The following INTS7 variants were observed in gnomAD, a reference collection of about 807,000 sequenced individuals.
INTS7 encodes chromosome 1 open reading frame 73.
A neutral mutation model predicts 109.2 loss-of-function variants in INTS7; 46 were observed. The ratio of observed to expected loss-of-function variants is 0.42; its 90% CI spans 0.33 to 0.54. The LOEUF (loss-of-function observed/expected upper bound fraction) is 0.54, where lower values mean the gene tolerates loss of function less well. Among genes scored for constraint, INTS7 ranks in the 20% least tolerant of loss-of-function variants. The pLI, the probability that INTS7 is intolerant of heterozygous loss-of-function variation, is 0.07. For synonymous variants in INTS7, 412 were observed against 402.9 expected, an observed-to-expected ratio of 1.02 and a Z score of -0.27; for missense variants, 929 against 1,132.4, an observed-to-expected ratio of 0.82 and a Z score of 2.58.
Position 211,975,267 on chromosome 1 carries a change from C to G in INTS7, c.1714G>C (p.Glu572Gln). The change falls in exon 13 of 20, where the codon GAA becomes CAA. Residue 572 changes from glutamate (E) to glutamine (Q), a missense_variant. Around this residue, in one of 2 missense-constraint regions of INTS7, gnomAD observed 787 missense variants for 901.1 expected, o/e 0.87. Transcript: ENST00000366994. ...LNSLKEFSHA[E>Q]QCLTGLQEEN... Reference sequence around the variant, plus strand: ...TCTTGCAACCCAGTGAGACACTGTTCTGCATGTGAAAACTCCTTCAAACTA... The same window carrying G: ...TCTTGCAACCCAGTGAGACACTGTTGTGCATGTGAAAACTCCTTCAAACTA... 6.2e-7 allele frequency: 1 copy of G among 1,613,596 alleles called. No individual in the cohort carries two copies.
At chr1:212,016,783 T>C in intron 4 of INTS7, 103 bp downstream of exon 4, 1 of 879,470 alleles carries the variant, frequency 1.1e-6, no homozygotes, top group Non-Finnish European at 1.8e-6. Context: ...TAATTTACAC[T>C]TTCCTGTATC....
intron 1 of INTS7, among the ~76,000 whole-genome samples, chr1:212,026,677 T>A (rs1204179551): frequency 2.6e-5 from 4 of 152,312 alleles, no homozygotes; most frequent in East Asian, 3.9e-4. Flanking sequence ...AACAGAGATG[T>A]GTGCTTACGT....
chr1:211,952,535 A>G, intron 17 of INTS7, 34 bp downstream of exon 17: 1 of 1,603,254 alleles, frequency 6.2e-7, no homozygotes, highest in African/African-American at 1.3e-5. Context: ...CCACATCCAT[A>G]CAATAAAAGC....
At chr1:211,967,820 C>T (rs532813374) in intron 15 of INTS7, 58 bp downstream of exon 15, 29 of 850,706 alleles carry the variant, frequency 3.4e-5, no homozygotes, top group South Asian at 3.4e-4. Flanking sequence ...TGAGGTAGTC[C>T]GTATTTAAAA....
rs1439621553 is a variant in INTS7 at position 212,016,976 on chromosome 1, T to G, written c.419A>C (p.His140Pro). 6.2e-7 allele frequency: 1 copy of G among 1,601,496 alleles called. No individual in the cohort carries two copies. Among genetic ancestry groups the G allele is most frequent in the South Asian group, 1.1e-5 (1 of 88,718 alleles). ...ATCTAAACTCTGACGAATACTATGA[T>G]GAGCATTCTTCCTCTCAGGAATTAT... ...ASIIPERKNA[H>P]HSIRQSLDSH... Residue 140 changes from histidine (H) to proline (P), a missense_variant, in exon 4 of 20, where the codon CAT (histidine) becomes CCT (proline). Physicochemically the swap from His to Pro is moderately conservative, Grantham distance 77. Around this residue, in one of 2 missense-constraint regions of INTS7, gnomAD observed 142 missense variants for 231.4 expected, o/e 0.61. Coordinates refer to ENST00000366994, the MANE Select transcript of INTS7 (RefSeq NM_015434.4).
At chr1:211,988,156 C>T (rs935758021) in intron 7 of INTS7, among the ~76,000 whole-genome samples, 153 bp from the exon 8 acceptor site, 5 of 152,028 alleles carry the variant, frequency 3.3e-5, no homozygotes, top group African/African-American at 1.2e-4. Flanking sequence ...GGTGCAGTGG[C>T]TCATTCTGGT....
At position 211,942,327 on chromosome 1, in the gene INTS7, C is replaced by T. The variant is rs1662665592; in HGVS notation, c.2602-216G>A. ...TTAGTGAACGGAGTAGGAATCTGAA[C>T]ACAGGCAGACTACCTCCAGGGCCTA... On this transcript the variant is annotated intron_variant, in intron 19 of 19. Coordinates refer to ENST00000366994, the MANE Select transcript of INTS7 (RefSeq NM_015434.4). The surrounding 1 kb of genome is among the most constrained non-coding windows in gnomAD (Gnocchi z 4.2). 6.6e-6 allele frequency among the ~76,000 whole-genome samples: 1 copy of T among 152,130 alleles called. No homozygotes were observed. The highest frequency in any genetic ancestry group is 2.4e-5 in the African/African-American group (1 of 41,416).
chr1:211,998,806 CAA>C (rs141795217), intron 7 of INTS7, among the ~76,000 whole-genome samples: 1,684 of 151,774 alleles, frequency 0.011, 28 homozygotes, highest in African/African-American at 0.038. Flanking sequence ...ATATAAATAA[CAA>C]TAACAAAAAG....
At chr1:212,004,719 AT>A (rs1665826023) in intron 7 of INTS7, among the ~76,000 whole-genome samples, 1 of 152,240 alleles carries the variant, frequency 6.6e-6, no homozygotes. Context: ...TATATAAAAA[AT>A]AACTATGAAT....
Position 211,999,877 on chromosome 1 carries a change from C to T in INTS7, c.879+6762G>A, listed in dbSNP as rs2993545. On this transcript the variant is annotated intron_variant, in intron 7 of 19. Coordinates refer to ENST00000366994, the MANE Select transcript of INTS7 (RefSeq NM_015434.4). ...CTAGTACTTTAGGGAGGCCGAGGCA[C>T]GTGGATCACCTGAGGTCTGGAGTTC... Among the ~76,000 whole-genome samples, 1,210 of 151,964 alleles carry T rather than the reference C, an allele frequency of 8.0e-3. 17 individuals are homozygous for T. The highest frequency in any genetic ancestry group is 0.027 in the African/African-American group (1,137 of 41,430).
intron 11 of INTS7, 108 bp from the exon 12 acceptor site, chr1:211,976,827 C>T (rs1202188063): frequency 1.0e-6 from 1 of 1,001,938 alleles, no homozygotes; most frequent in Non-Finnish European, 1.5e-6. Context: ...TGCAAAAGAA[C>T]AAAATTTGTT....
intron 4 of INTS7, among the ~76,000 whole-genome samples, chr1:212,015,413 C>A (rs527516060): frequency 6.6e-6 from 1 of 151,738 alleles, no homozygotes; most frequent in African/African-American, 2.4e-5. Context: ...TTACCCCCAA[C>A]CCCCTGCTCT....
At chr1:212,015,067 A>G (rs981667366) in intron 4 of INTS7, among the ~76,000 whole-genome samples, 2 of 141,956 alleles carry the variant, frequency 1.4e-5, no homozygotes, top group African/African-American at 6.2e-5. Context: ...TCCGCCCGGC[A>G]GCCGCCCCAT....
Position 212,035,338 on chromosome 1 carries a change from G to C in INTS7, c.94+6C>G. 1 of 1,595,648 alleles carries C rather than the reference G, an allele frequency of 6.3e-7. No homozygotes were observed. The highest frequency in any genetic ancestry group is 2.2e-5 in the East Asian group (1 of 44,808). On this transcript the variant is annotated splice_donor_region_variant and intron_variant, in intron 1 of 19. Coordinates refer to ENST00000366994, the MANE Select transcript of INTS7 (RefSeq NM_015434.4). Reference sequence around the variant, plus strand: ...TTTCACCCATTCAGCCCTCTCTTTCGAATACCTTTGTCCAATTCCATAAGG... The same window carrying C: ...TTTCACCCATTCAGCCCTCTCTTTCCAATACCTTTGTCCAATTCCATAAGG...
intron 8 of INTS7, among the ~76,000 whole-genome samples, chr1:211,986,417 T>C (rs1357016192): frequency 6.6e-6 from 1 of 152,058 alleles, no homozygotes; most frequent in Non-Finnish European, 1.5e-5. Flanking sequence ...TATGTAGCAA[T>C]AGATAACTGA....
At position 212,035,501 on chromosome 1, in the gene INTS7, T is replaced by C. The variant is rs1459435556; in HGVS notation, c.-64A>G. 5 of 1,206,728 alleles carry C rather than the reference T, an allele frequency of 4.1e-6. No homozygotes were observed. The highest frequency in any genetic ancestry group is 3.6e-5 in the South Asian group (3 of 82,842). 74.8% of individuals were successfully genotyped at this position (1,206,728 alleles called of 1,614,324 possible). ...TGCAAACTCTACCCCAGGACCGCCA[T>C]CTTCCCCCGCCGCCTTCTTGCTGGT... On this transcript the variant is annotated 5_prime_UTR_variant, in exon 1 of 20. It removes an upstream start codon present in the reference 5' UTR. Transcript: ENST00000366994.
At chr1:212,030,853 T>C (rs1334202042) in intron 1 of INTS7, 2 of 152,234 alleles carry the variant, frequency 1.3e-5, no homozygotes, top group Admixed American at 1.3e-4. Flanking sequence ...ATATCGATAA[T>C]GTAAAAGCAA....
chr1:212,032,666 A>T (rs1667223228), intron 1 of INTS7, among the ~76,000 whole-genome samples: 2 of 151,958 alleles, frequency 1.3e-5, no homozygotes, highest in Non-Finnish European at 2.9e-5. Context: ...TGTTTAGTAG[A>T]GACAGGGTTT....
At chr1:212,033,128 T>C (rs1667245956) in intron 1 of INTS7, among the ~76,000 whole-genome samples, 1 of 152,192 alleles carries the variant, frequency 6.6e-6, no homozygotes, top group African/African-American at 2.4e-5. Flanking sequence ...ATAAGTCATG[T>C]GTCTGAGTGT....
Sources: gnomAD v4.1 joint callset for allele counts (sites outside exome capture counted in the v4.1 genomes callset) on GRCh38, gnomAD v4.1.1 for gene constraint, gnomAD v4.1.1 regional missense constraint, Gnocchi (gnomAD v3.1) non-coding constraint, MANE v1.5 for transcripts, NCBI Gene and HGNC (gene_info 2026-07-23, HGNC 2026-07-21) for gene names.